The following CAPN7 variants were observed in gnomAD, a reference collection of about 807,000 sequenced individuals.
CAPN7 encodes the protein calpain-7.
Under a neutral mutation model 115.2 loss-of-function variants are expected in CAPN7, and 72 were observed. The observed-to-expected ratio is 0.63, with a 90% confidence interval of 0.52 to 0.76. The LOEUF is 0.76. Among genes scored for constraint, CAPN7 ranks in the 30% least tolerant of loss-of-function variants. The probability of loss-of-function intolerance (pLI) is 0.00; values close to 1 mark genes in which losing one functional copy is unlikely to be tolerated. For missense variants in CAPN7, 905 were observed against 971.5 expected, an observed-to-expected ratio of 0.93 and a Z score of 0.91; for synonymous variants, 344 against 322.3, an observed-to-expected ratio of 1.07 and a Z score of -0.72.
chr3:15,240,444 A>G (rs1695272637), intron 12 of CAPN7, 29 bp from the exon 13 acceptor site: 2 of 1,598,066 alleles, frequency 1.3e-6, no homozygotes, highest in Non-Finnish European at 1.7e-6. Context: ...TTACAACTTA[A>G]TGTTATCTCC....
chr3:15,245,783 C>T (rs1463585636), intron 17 of CAPN7, 112 bp downstream of exon 17: 6 of 812,242 alleles, frequency 7.4e-6, no homozygotes, highest in Non-Finnish European at 1.1e-5. Context: ...AAATGTATTG[C>T]TCTCTTTTTT....
intron 17 of CAPN7, chr3:15,245,905 C>G (rs930491089): frequency 4.9e-6 from 2 of 407,932 alleles, no homozygotes; most frequent in African/African-American, 4.2e-5. Context: ...TAGTTTAGCC[C>G]CGTGGTAATA....
intron 19 of CAPN7, among the ~76,000 whole-genome samples, chr3:15,250,049 C>G (rs1051724832): frequency 1.3e-5 from 2 of 150,522 alleles, no homozygotes; most frequent in African/African-American, 4.9e-5. Context: ...AGGCGTGAGC[C>G]ACCGCGCCTG....
At chr3:15,239,645 TAAAAG>T (rs934850694) in intron 12 of CAPN7, among the ~76,000 whole-genome samples, 20 of 152,280 alleles carry the variant, frequency 1.3e-4, no homozygotes, top group African/African-American at 2.6e-4. Flanking sequence ...TCAAAGTAAT[TAAAAG>T]AAAGAAATTA....
chr3:15,230,704 A>G (rs1694634322), intron 9 of CAPN7, among the ~76,000 whole-genome samples, 169 bp downstream of exon 9: 1 of 152,254 alleles, frequency 6.6e-6, no homozygotes, highest in Non-Finnish European at 1.5e-5. Flanking sequence ...TTAAAAATTA[A>G]TTAAAACCAT....
In CAPN7 at chr3:15,246,849, C is replaced by T. The variant is rs955925931; in HGVS notation, c.2073+55C>T. 1.8e-5 allele frequency: 23 copies of T among 1,273,774 alleles called. No individual in the cohort carries two copies. The African/African-American group carries it at 3.2e-4, about 18-fold the overall frequency. 78.9% of individuals were successfully genotyped at this position (1,273,774 alleles called of 1,614,324 possible). ...GCATTCTTTTAGAATTTTTAAATTC[C>T]CTTTCCCATTTCTCTCATTTTATTG... is the stretch of plus-strand genomic sequence containing the variant. On this transcript the variant is annotated intron_variant, in intron 18 of 20. Transcript: ENST00000253693.
chr3:15,208,402 C>T (rs533855978), intron 1 of CAPN7, among the ~76,000 whole-genome samples: 4 of 151,518 alleles, frequency 2.6e-5, no homozygotes, highest in East Asian at 3.9e-4. Context: ...ATCCTCCTGC[C>T]TCAGTCTCCC....
rs764545432 is a variant in CAPN7, at chr3:15,212,174, CT to C, written c.174del (p.Glu59SerfsTer21). ...CTAGAAAATATTCAAGAAAAAATAA[CT>C]GAGTATCTGGAAAGAGTTCAAGCTC... ...SSLENIQEKI[T>X]EYLERVQALH... On this transcript the variant is annotated frameshift_variant, in exon 2 of 21. Transcript: ENST00000253693. LOFTEE classifies it high-confidence loss of function. The C allele has an allele frequency of 6.2e-7, 1 of 1,609,124 alleles. No individual in the cohort carries two copies. The highest frequency in any genetic ancestry group is 1.3e-5 in the African/African-American group (1 of 74,860).
intron 11 of CAPN7, among the ~76,000 whole-genome samples, chr3:15,234,200 C>A (rs1448176636): frequency 6.6e-6 from 1 of 152,148 alleles, no homozygotes; most frequent in African/African-American, 2.4e-5. Context: ...CCTGTAATCC[C>A]AGCTACTCAG....
rs781081400 is a variant in CAPN7, at chr3:15,235,113, G to A, written c.1375G>A (p.Ala459Thr). ...GAAGTGGGGTCTGGTTCCCACACAC[G>A]CATATGCTGTTTTGGATATTAGAGA... Reference protein sequence around the residue: ...GEKWGLVPTHAYAVLDIREFK... With the variant: ...GEKWGLVPTHTYAVLDIREFK... Residue 459 changes from alanine to threonine, a missense_variant, in exon 12 of 21, where the codon GCA becomes ACA. Transcript: ENST00000253693. 1.1e-5 allele frequency: 17 copies of A among 1,612,466 alleles called. No individual in the cohort carries two copies. Among genetic ancestry groups the A allele is most frequent in the African/African-American group, 6.7e-5 (5 of 74,790 alleles).
chr3:15,232,678 T>TA lies in CAPN7; in HGVS notation c.1179+15dup. The TA allele has an allele frequency of 6.3e-7, 1 of 1,590,228 alleles. No individual in the cohort carries two copies. On this transcript the variant is annotated intron_variant, in intron 10 of 20. Transcript: ENST00000253693. ...AGGATCCAACTCCGTAAGTAATAGA[T>TA]AAGACGATCCAGACACAGATTTAAG...
chr3:15,251,107 T>C lies in CAPN7; in HGVS notation c.2298-9T>C. On this transcript the variant is annotated splice_polypyrimidine_tract_variant and intron_variant, in intron 20 of 20. Transcript: ENST00000253693. The stretch of plus-strand genomic sequence containing the variant: ...CTATAAACCTTATTCTCATTTTCTC[T>C]AAATATAGGTGTGGGTTTTGCTACC... 1 of 1,601,348 alleles carries C rather than the reference T, an allele frequency of 6.2e-7. No homozygotes were observed.
At chr3:15,236,911 C>A (rs181626813) in intron 12 of CAPN7, among the ~76,000 whole-genome samples, 1 of 152,136 alleles carries the variant, frequency 6.6e-6, no homozygotes, top group East Asian at 1.9e-4. Flanking sequence ...ATGGGAAAGC[C>A]TAGGACATTG....
intron 18 of CAPN7, 31 bp downstream of exon 18, chr3:15,246,825 C>T (rs374185893): frequency 2.0e-6 from 3 of 1,468,406 alleles, no homozygotes; most frequent in Admixed American, 3.7e-5. Context: ...GTAATCTCAG[C>T]ATTCTTTTAG....
At chr3:15,241,386 AATAGTGTT>A in intron 14 of CAPN7, 59 bp from the exon 15 acceptor site, 1 of 1,485,908 alleles carries the variant, frequency 6.7e-7, no homozygotes, top group Non-Finnish European at 9.2e-7. Flanking sequence ...CACTTTTTGA[AATAGTGTT>A]ATATTTTAGC....
In CAPN7 at chr3:15,221,966, A is replaced by T. The variant is rs578184352; in HGVS notation, c.638+985A>T. Among the ~76,000 whole-genome samples, 22 of 151,824 alleles carry T rather than the reference A, an allele frequency of 1.4e-4. No individual in the cohort carries two copies. In the East Asian group the frequency reaches 4.3e-3, roughly 29 times the overall value. On this transcript the variant is annotated intron_variant, in intron 5 of 20. Transcript: ENST00000253693. The stretch of plus-strand genomic sequence containing the variant: ...GAGATCCCGTCTCAAAAAAAAAAAT[A>T]TGTGTGTATACACGTGTATATACAT...
chr3:15,214,035 C>T (rs1455746521), intron 2 of CAPN7, among the ~76,000 whole-genome samples: 2 of 152,082 alleles, frequency 1.3e-5, no homozygotes, highest in Non-Finnish European at 2.9e-5. Context: ...CGCCTGCCAC[C>T]ACACCCAGCT....
chr3:15,247,151 G>C, intron 18 of CAPN7, 176 bp from the exon 19 acceptor site: 1 of 580,208 alleles, frequency 1.7e-6, no homozygotes. Context: ...GATGGAAATA[G>C]GGGTTAGTGG....
chr3:15,238,108 C>CTTTTTTTTTTTT lies in CAPN7; in HGVS notation c.1408-2351_1408-2340dup, dbSNP rs34203410. ...TGAAGTGTTTATTTAATTCTGACTT[C>CTTTTTTTTTTTT]TTTTTTTTTTTTTTTTTTTTTTTTT... On this transcript the variant is annotated intron_variant, in intron 12 of 20. Transcript: ENST00000253693. 3.4e-5 allele frequency among the ~76,000 whole-genome samples: 2 copies of CTTTTTTTTTTTT among 58,202 alleles called. 1 individual carries two copies. 38.2% of individuals were successfully genotyped at this position (58,202 alleles called of 152,430 possible).
Sources: gnomAD v4.1 joint callset for allele counts (sites outside exome capture counted in the v4.1 genomes callset) on GRCh38, gnomAD v4.1.1 for gene constraint, MANE v1.5 for transcripts, NCBI Gene and HGNC (gene_info 2026-07-23, HGNC 2026-07-21) for gene names.